MGMT: variants seen among roughly 807,000 people sequenced by gnomAD.
MGMT encodes O-6-methylguanine-DNA methyltransferase.
In MGMT, 14 loss-of-function variants were observed where a neutral mutation model predicts 15.9. The ratio of observed to expected loss-of-function variants is 0.88; its 90% CI spans 0.58 to 1.37. The LOEUF (loss-of-function observed/expected upper bound fraction) is 1.37. Among genes scored for constraint, MGMT ranks in the 40% most tolerant of loss-of-function variants. The pLI is 0.00. For missense variants in MGMT, 282 were observed against 268.1 expected, an observed-to-expected ratio of 1.05 and a Z score of -0.36; for synonymous variants, 130 against 118.2, an observed-to-expected ratio of 1.10 and a Z score of -0.65.
At chr10:129,627,409 C>T (rs1486452555) in intron 2 of MGMT, among the ~76,000 whole-genome samples, 2 of 123,382 alleles carry the variant, frequency 1.6e-5, no homozygotes, top group Admixed American at 1.7e-4. Context: ...CTTCCCTCCT[C>T]TACTCAAAAA....
At chr10:129,628,498 C>G (rs562135546) in intron 2 of MGMT, among the ~76,000 whole-genome samples, 1 of 152,172 alleles carries the variant, frequency 6.6e-6, no homozygotes, top group East Asian at 1.9e-4. Flanking sequence ...GTACCTGTGT[C>G]TGCCCTGGCA....
At chr10:129,706,539 C>T (rs1274208621) in intron 2 of MGMT, among the ~76,000 whole-genome samples, 4 of 152,114 alleles carry the variant, frequency 2.6e-5, no homozygotes, top group Non-Finnish European at 5.9e-5. Flanking sequence ...AGGAGCAGCA[C>T]TGTCTGCAGA....
chr10:129,726,848 C>T (rs758185158), intron 3 of MGMT, among the ~76,000 whole-genome samples: 1 of 152,184 alleles, frequency 6.6e-6, no homozygotes, highest in South Asian at 2.1e-4. Context: ...GAGACCCTGT[C>T]CTCATGTCCT....
At chr10:129,612,051 A>G (rs1196822362) in intron 2 of MGMT, among the ~76,000 whole-genome samples, 2 of 150,802 alleles carry the variant, frequency 1.3e-5, no homozygotes, top group Non-Finnish European at 3.0e-5. Context: ...GACATCAATC[A>G]AATACATTAA....
At chr10:129,487,925 G>C (rs1158275574) in intron 1 of MGMT, among the ~76,000 whole-genome samples, 3 of 142,622 alleles carry the variant, frequency 2.1e-5, no homozygotes, top group African/African-American at 5.5e-5. Flanking sequence ...GTGTGTGTGT[G>C]TGTGTGTGTG....
intron 3 of MGMT, among the ~76,000 whole-genome samples, chr10:129,723,292 G>T (rs1462042364): frequency 6.6e-6 from 1 of 152,054 alleles, no homozygotes; most frequent in East Asian, 1.9e-4. Flanking sequence ...TTCCCCCTGA[G>T]TCCCCAAAGT....
chr10:129,642,946 A>G (rs1021710282), intron 2 of MGMT, among the ~76,000 whole-genome samples: 10 of 152,108 alleles, frequency 6.6e-5, no homozygotes, highest in Admixed American at 5.2e-4. Flanking sequence ...GAAAAAAAAA[A>G]GAAAAAAAGG....
rs115558752 is a variant in MGMT at position 129,532,475 on chromosome 10, C to A, written c.-12-3766C>A. ...AGGACTCCTCTCTCCGGGAGACTGT[C>A]GGGGCTAAGCTGCCTGTGGCCCTCC... On this transcript the variant is annotated intron_variant, in intron 1 of 4. Transcript: ENST00000651593. This position sits in a 1 kb window ranked among gnomAD's most constrained non-coding sequence, Gnocchi z 5.3. 5.4e-3 allele frequency among the ~76,000 whole-genome samples: 821 copies of A among 152,268 alleles called. 11 individuals are homozygous for A. The highest frequency in any genetic ancestry group is 0.019 in the African/African-American group (790 of 41,566).
intron 2 of MGMT, among the ~76,000 whole-genome samples, chr10:129,706,497 A>G (rs535484337): frequency 1.7e-4 from 26 of 152,332 alleles, no homozygotes; most frequent in African/African-American, 5.8e-4. Flanking sequence ...TCCACAGTGC[A>G]GTGACGTTTC....
intron 1 of MGMT, among the ~76,000 whole-genome samples, chr10:129,520,909 A>C (rs35005541): frequency 2.3e-5 from 3 of 132,784 alleles, no homozygotes; most frequent in African/African-American, 8.1e-5. Flanking sequence ...TATGGTGTGC[A>C]TACAGAACCC....
At chr10:129,688,741 A>G (rs1312425717) in intron 2 of MGMT, among the ~76,000 whole-genome samples, 2 of 152,188 alleles carry the variant, frequency 1.3e-5, no homozygotes, top group African/African-American at 2.4e-5. Context: ...ACAAAAGCCA[A>G]AATTGACAAA....
intron 1 of MGMT, among the ~76,000 whole-genome samples, chr10:129,501,471 T>C (rs1457875600): frequency 6.6e-6 from 1 of 152,220 alleles, no homozygotes; most frequent in African/African-American, 2.4e-5. Context: ...GTTAACTAAA[T>C]AGAATGTTTC....
At position 129,687,811 on chromosome 10, in the gene MGMT, T is replaced by TA. The variant is rs1334534963; in HGVS notation, c.126-20083dup. ...GTGCTGCACCCATTAACTCATCACT[T>TA]ACATTAGGTATATCTCCTAATGCTA... On this transcript the variant is annotated intron_variant, in intron 2 of 4. Transcript: ENST00000651593. Among the ~76,000 whole-genome samples, 8 of 152,116 alleles carry TA rather than the reference T, an allele frequency of 5.3e-5. No individual in the cohort carries two copies. The East Asian group carries it at 5.8e-4, about 11-fold the overall frequency.
intron 1 of MGMT, 148 bp from the exon 2 acceptor site, chr10:129,536,093 G>T: frequency 3.5e-6 from 3 of 868,304 alleles, no homozygotes; most frequent in Non-Finnish European, 5.2e-6. Flanking sequence ...TAATCATATT[G>T]TGAAAATGAT....
At chr10:129,698,249 G>A (rs117910078) in intron 2 of MGMT, among the ~76,000 whole-genome samples, 39 of 152,298 alleles carry the variant, frequency 2.6e-4, no homozygotes, top group South Asian at 2.1e-3. Flanking sequence ...GGCTGTGTGC[G>A]TCATAGCGTT....
At chr10:129,696,628 C>T (rs1045720737) in intron 2 of MGMT, among the ~76,000 whole-genome samples, 3 of 152,250 alleles carry the variant, frequency 2.0e-5, no homozygotes, top group East Asian at 1.9e-4. Context: ...TTTCAGTGCA[C>T]GTGCTCCGGA....
At chr10:129,718,252 G>C (rs909836377) in intron 3 of MGMT, among the ~76,000 whole-genome samples, 1 of 152,226 alleles carries the variant, frequency 6.6e-6, no homozygotes, top group African/African-American at 2.4e-5. Context: ...TTTAGGCTTC[G>C]ACCTGGCATG....
At chr10:129,501,427 G>T (rs1845573631) in intron 1 of MGMT, among the ~76,000 whole-genome samples, 2 of 152,224 alleles carry the variant, frequency 1.3e-5, no homozygotes, top group South Asian at 4.1e-4. Context: ...TTATTTTGCA[G>T]TGGTTTGGAA....
At chr10:129,508,691 G>A (rs1020278887) in intron 1 of MGMT, among the ~76,000 whole-genome samples, 3 of 151,896 alleles carry the variant, frequency 2.0e-5, no homozygotes, top group Admixed American at 6.6e-5. Context: ...GATTATAGGC[G>A]CCTGCCACAT....
Sources: gnomAD v4.1 joint callset for allele counts (sites outside exome capture counted in the v4.1 genomes callset) on GRCh38, gnomAD v4.1.1 for gene constraint, Gnocchi (gnomAD v3.1) non-coding constraint, MANE v1.5 for transcripts, NCBI Gene and HGNC (gene_info 2026-07-23, HGNC 2026-07-21) for gene names.